GLP1R: variants seen among roughly 807,000 people sequenced by gnomAD.
GLP1R encodes the protein glucagon-like peptide 1 receptor.
GLP1R carries 32 observed loss-of-function variants against 68.4 expected under a neutral mutation model. The observed-to-expected ratio is 0.47, with a 90% CI of 0.35 to 0.63. The LOEUF (loss-of-function observed/expected upper bound fraction) is 0.63. Ranked by LOEUF, GLP1R falls within the 20% of genes least tolerant of loss-of-function variation. The pLI, the probability that GLP1R is intolerant of heterozygous loss-of-function variation, is 0.00. For missense variants in GLP1R, 502 were observed against 594.9 expected, an observed-to-expected ratio of 0.84 and a Z score of 1.62; for synonymous variants, 263 against 244.4, an observed-to-expected ratio of 1.08 and a Z score of -0.71.
At chr6:39,082,773 G>A (rs1000352728) in intron 12 of GLP1R, among the ~76,000 whole-genome samples, 6 of 152,130 alleles carry the variant, frequency 3.9e-5, no homozygotes, top group African/African-American at 1.4e-4. Context: ...AGGGTGGCAT[G>A]TATCCTGTGT....
intron 3 of GLP1R, among the ~76,000 whole-genome samples, chr6:39,060,283 G>A (rs1163980561): frequency 1.3e-5 from 2 of 152,214 alleles, no homozygotes; most frequent in African/African-American, 2.4e-5. Flanking sequence ...ACGTCACAGT[G>A]TGCCCTGGTG....
chr6:39,074,955 G>T (rs550066052), intron 7 of GLP1R, among the ~76,000 whole-genome samples: 5 of 152,132 alleles, frequency 3.3e-5, no homozygotes, highest in African/African-American at 7.2e-5. Flanking sequence ...CCACCCCCCA[G>T]GAGAAGAGTA....
intron 1 of GLP1R, among the ~76,000 whole-genome samples, chr6:39,052,875 G>T (rs1768117696): frequency 6.6e-6 from 1 of 152,114 alleles, no homozygotes; most frequent in Non-Finnish European, 1.5e-5. Flanking sequence ...AACAGAGCTG[G>T]GATTTAGACC....
intron 1 of GLP1R, among the ~76,000 whole-genome samples, chr6:39,051,727 A>G (rs926674): frequency 0.93 from 141,378 of 152,066 alleles, 65,822 homozygotes; most frequent in East Asian, 0.99. Flanking sequence ...GGCTATATGA[A>G]CCCCCAGTTC....
At chr6:39,080,186 G>A (rs200140086) in intron 11 of GLP1R, among the ~76,000 whole-genome samples, 1 of 32,928 alleles carries the variant, frequency 3.0e-5, no homozygotes, top group East Asian at 8.2e-4. Context: ...ACTGGTCCCT[G>A]CCTGCCCCTC....
chr6:39,071,345 CAAAAAA>C (rs35740935), intron 5 of GLP1R, among the ~76,000 whole-genome samples: 3 of 85,924 alleles, frequency 3.5e-5, no homozygotes, highest in Admixed American at 1.3e-4. Flanking sequence ...GATTCCATCT[CAAAAAA>C]AAAAAAAAAA....
Position 39,089,328 on chromosome 6 carries a change from ATAG to A in GLP1R, c.*3257_*3259del, listed in dbSNP as rs1469540367. ...TCTATGTGTTTGAAAAGTTGTATTG[ATAG>A]TCACACAGAGTGTACTAAAATAACC... On this transcript the variant is annotated 3_prime_UTR_variant, in exon 13 of 13. Transcript: ENST00000373256. The surrounding 1 kb of genome is among the most constrained non-coding windows in gnomAD (Gnocchi z 4.1). Among the ~76,000 whole-genome samples the A allele has an allele frequency of 6.6e-6, 1 of 152,076 alleles. No homozygotes were observed. Among genetic ancestry groups the A allele is most frequent in the Non-Finnish European group, 1.5e-5 (1 of 68,006 alleles).
chr6:39,057,965 C>T (rs115493670), intron 3 of GLP1R, among the ~76,000 whole-genome samples: 5,176 of 152,302 alleles, frequency 0.034, 320 homozygotes, highest in African/African-American at 0.12. Flanking sequence ...TGAGACACAG[C>T]CCTCCCCACC....
At chr6:39,063,033 C>G (rs2150825790) in intron 3 of GLP1R, among the ~76,000 whole-genome samples, 1 of 152,354 alleles carries the variant, frequency 6.6e-6, no homozygotes, top group Non-Finnish European at 1.5e-5. Flanking sequence ...GGAAGTGCAT[C>G]TTACTAGCAT....
rs571893057 is a variant in GLP1R, at chr6:39,079,078, G to T, written c.955-34G>T. 4 of 1,607,402 alleles carry T rather than the reference G, an allele frequency of 2.5e-6. No homozygotes were observed. On this transcript the variant is annotated intron_variant, in intron 9 of 12. Transcript: ENST00000373256. The surrounding 1 kb of genome is among the most constrained non-coding windows in gnomAD (Gnocchi z 4.5). ...TGGCAGCTATGATAGGGCTGGGCTG[G>T]TGCCCCCTGCCAATCCCCGGCCCCA...
Position 39,086,200 on chromosome 6 carries a change from CACACAT to C in GLP1R, c.*131_*136del, listed in dbSNP as rs1554173040. The C allele has an allele frequency of 2.6e-4, 135 of 513,838 alleles. No homozygotes were observed. The highest frequency in any genetic ancestry group is 1.4e-3 in the East Asian group (20 of 14,392). 31.8% of individuals were successfully genotyped at this position (513,838 alleles called of 1,614,324 possible). On this transcript the variant is annotated 3_prime_UTR_variant, in exon 13 of 13. Transcript: ENST00000373256. This position sits in a 1 kb window ranked among gnomAD's most constrained non-coding sequence, Gnocchi z 4.5. ...ACACACACACACACACACACACACA[CACACAT>C]ACATCCTGCTTTCCCTCCCCAAACC...
rs1206938366 is a variant in GLP1R at position 39,085,806 on chromosome 6, C to T, written c.1225-100C>T. 9.5e-6 allele frequency: 10 copies of T among 1,048,102 alleles called. No individual in the cohort carries two copies. In the Admixed American group the frequency reaches 1.7e-4, roughly 18 times the overall value. The allele number at this position is 1,048,102 out of a possible 1,614,324, so 64.9% of individuals were successfully genotyped here. ...TTGACTTGTGTCTCTTAATATAATG[C>T]AGTGGATTTCTTCCCTTCCCCACTA... On this transcript the variant is annotated intron_variant, in intron 12 of 12. Transcript: ENST00000373256.
chr6:39,080,697 G>A lies in GLP1R; in HGVS notation c.1183-1G>A, dbSNP rs1201329165. 2 of 1,593,542 alleles carry A rather than the reference G, an allele frequency of 1.3e-6. No individual in the cohort carries two copies. Among genetic ancestry groups the A allele is most frequent in the African/African-American group, 1.4e-5 (1 of 73,880 alleles). On this transcript the variant is annotated splice_acceptor_variant, in intron 11 of 12. Transcript: ENST00000373256. LOFTEE classifies it high-confidence loss of function. The stretch of plus-strand genomic sequence containing the variant: ...CCTCTTGATGTGACTCTTGTTTCCA[G>A]GGGCTGATGGTGGCCATATTATACT...
chr6:39,082,917 C>G (rs879566630), intron 12 of GLP1R, among the ~76,000 whole-genome samples: 1 of 152,106 alleles, frequency 6.6e-6, no homozygotes, highest in Non-Finnish European at 1.5e-5. Flanking sequence ...CTAGCAGACA[C>G]GTGTGCTTGG....
chr6:39,060,034 C>T (rs1361137548), intron 3 of GLP1R, among the ~76,000 whole-genome samples: 1 of 152,156 alleles, frequency 6.6e-6, no homozygotes, highest in African/African-American at 2.4e-5. Flanking sequence ...CCTTTTTTGA[C>T]ACTTGGAATC....
chr6:39,071,098 G>A (rs1171632997), intron 5 of GLP1R, among the ~76,000 whole-genome samples: 2 of 152,124 alleles, frequency 1.3e-5, no homozygotes, highest in Non-Finnish European at 2.9e-5. Context: ...AGTAATCCCA[G>A]CACTTTGGGA....
At chr6:39,076,433 G>GGA (rs1156993806) in intron 7 of GLP1R, among the ~76,000 whole-genome samples, 2 of 152,200 alleles carry the variant, frequency 1.3e-5, no homozygotes, top group South Asian at 2.1e-4. Context: ...CAATGGGCCA[G>GGA]GAGAGAGAGA....
intron 7 of GLP1R, among the ~76,000 whole-genome samples, chr6:39,075,966 G>A (rs145174117): frequency 5.9e-5 from 9 of 152,320 alleles, no homozygotes; most frequent in African/African-American, 1.4e-4. Flanking sequence ...TGTCTTGCTC[G>A]TTTTCTAAAT....
intron 3 of GLP1R, among the ~76,000 whole-genome samples, chr6:39,065,021 T>A (rs1427367552): frequency 6.6e-6 from 1 of 152,186 alleles, no homozygotes; most frequent in African/African-American, 2.4e-5. Flanking sequence ...TCCCTTTTTC[T>A]ATGGGGGATC....
Sources: allele counts gnomAD v4.1 joint callset (sites outside exome capture counted in the v4.1 genomes callset), GRCh38; gene constraint gnomAD v4.1.1; non-coding constraint Gnocchi (gnomAD v3.1); transcripts MANE v1.5; gene names NCBI Gene and HGNC (gene_info 2026-07-23, HGNC 2026-07-21).